CDH13: variants seen among roughly 807,000 people sequenced by gnomAD.
The protein encoded by CDH13 is cadherin-13.
CDH13 carries 24 observed loss-of-function variants against 63.8 expected under a neutral mutation model. That is an observed-to-expected ratio of 0.38 (90% CI 0.27 to 0.53). The LOEUF (loss-of-function observed/expected upper bound fraction) is 0.53, where lower values mean the gene tolerates loss of function less well. CDH13 is among the 20% of genes least tolerant of loss of function. CDH13 has a pLI of 0.85. For synonymous variants in CDH13, 503 were observed against 355.3 expected, an observed-to-expected ratio of 1.42 and a Z score of -4.67; for missense variants, 1,049 against 903.1, an observed-to-expected ratio of 1.16 and a Z score of -2.07.
chr16:82,859,027 T>C (rs1447188030), intron 2 of CDH13: 1 of 153,036 alleles, frequency 6.5e-6, no homozygotes, highest in East Asian at 1.9e-4. Flanking sequence ...TCCAATTGAT[T>C]TATTTAAAAT....
At chr16:83,776,717 A>G (rs113701535) in intron 11 of CDH13, among the ~76,000 whole-genome samples, 1 of 152,140 alleles carries the variant, frequency 6.6e-6, no homozygotes, top group Admixed American at 6.5e-5. Context: ...ACTTCTCTTC[A>G]CTTCTTATCC....
intron 10 of CDH13, among the ~76,000 whole-genome samples, chr16:83,708,286 C>A (rs7190768): frequency 1.5e-4 from 23 of 152,236 alleles, no homozygotes; most frequent in Middle Eastern, 3.4e-3. Context: ...GTCAACCAGA[C>A]GTGTGCTTCC....
chr16:83,282,835 C>T (rs1165397374), intron 5 of CDH13, among the ~76,000 whole-genome samples: 1 of 152,206 alleles, frequency 6.6e-6, no homozygotes, highest in Non-Finnish European at 1.5e-5. Context: ...AGCATATTTT[C>T]ATCCTGTTAT....
At chr16:83,504,512 A>G (rs959587026) in intron 7 of CDH13, among the ~76,000 whole-genome samples, 2 of 152,292 alleles carry the variant, frequency 1.3e-5, no homozygotes, top group African/African-American at 4.8e-5. Flanking sequence ...CTTTGCTGAC[A>G]ACTTCTTCTG....
At chr16:83,354,165 G>A (rs2091010606) in intron 6 of CDH13, among the ~76,000 whole-genome samples, 2 of 152,178 alleles carry the variant, frequency 1.3e-5, no homozygotes, top group East Asian at 3.9e-4. Context: ...CAAAGCAAAA[G>A]TGAAAAAGTC....
chr16:83,163,156 A>G lies in CDH13; in HGVS notation c.483+37655A>G, dbSNP rs144228091. Among the ~76,000 whole-genome samples the G allele has an allele frequency of 2.0e-4, 30 of 152,228 alleles. No homozygotes were observed. The East Asian group carries it at 5.2e-3, about 26-fold the overall frequency. ...TATCTGCCACCATGTGAGACATGCC[A>G]TTCACCTTCCACCATGATTGTGAGG... On this transcript the variant is annotated intron_variant, in intron 4 of 13. Transcript: ENST00000567109.
chr16:83,112,164 A>T (rs2035087425), intron 3 of CDH13, among the ~76,000 whole-genome samples: 1 of 152,164 alleles, frequency 6.6e-6, no homozygotes, highest in Non-Finnish European at 1.5e-5. Flanking sequence ...TTGTGTCTGC[A>T]TTAATTAATT....
intron 5 of CDH13, among the ~76,000 whole-genome samples, chr16:83,262,963 C>A (rs1019793647): frequency 2.0e-5 from 3 of 152,128 alleles, no homozygotes; most frequent in Admixed American, 6.5e-5. Flanking sequence ...GTTGTTTGTC[C>A]TGAGAATGAC....
chr16:83,628,398 G>A (rs961178368), intron 8 of CDH13, among the ~76,000 whole-genome samples: 2 of 152,100 alleles, frequency 1.3e-5, no homozygotes, highest in Non-Finnish European at 2.9e-5. Context: ...GTGAGCCCCG[G>A]GGCTCTGCCT....
chr16:83,298,446 C>T lies in CDH13; in HGVS notation c.637-46416C>T, dbSNP rs76952979. On this transcript the variant is annotated intron_variant, in intron 5 of 13. Transcript: ENST00000567109. ...ATCAAAATTTCTTGAGTGTATGTGA[C>T]GGATTCCTAGGCCCTACCTCAAGCC... Among the ~76,000 whole-genome samples, 603 of 152,258 alleles carry T rather than the reference C, an allele frequency of 4.0e-3. 4 individuals are homozygous for T. The highest frequency in any genetic ancestry group is 0.011 in the African/African-American group (437 of 41,550).
chr16:83,303,328 A>G (rs994887048), intron 5 of CDH13, among the ~76,000 whole-genome samples: 2 of 152,230 alleles, frequency 1.3e-5, no homozygotes, highest in Non-Finnish European at 2.9e-5. Flanking sequence ...GCAATAACCC[A>G]GTAGGTCCAG....
chr16:83,564,412 T>G (rs78946359), intron 7 of CDH13, among the ~76,000 whole-genome samples: 13,068 of 34,944 alleles, frequency 0.37, 1,060 homozygotes, highest in South Asian at 0.49. Context: ...TTTTTTTTTT[T>G]TTTGTTTTTG....
At chr16:83,790,568 G>T (rs458497) in intron 13 of CDH13, among the ~76,000 whole-genome samples, 129,893 of 151,978 alleles carry the variant, frequency 0.85, 55,482 homozygotes, top group Admixed American at 0.88. Context: ...CCTGGCTAAT[G>T]TTGTTTTTGT....
At chr16:83,754,984 A>C (rs1913389024) in intron 11 of CDH13, among the ~76,000 whole-genome samples, 1 of 152,192 alleles carries the variant, frequency 6.6e-6, no homozygotes, top group Non-Finnish European at 1.5e-5. Flanking sequence ...CCTGTAAAGA[A>C]GCAAGAATGT....
intron 8 of CDH13, among the ~76,000 whole-genome samples, chr16:83,656,864 T>A (rs1010216760): frequency 6.6e-6 from 1 of 152,206 alleles, no homozygotes; most frequent in African/African-American, 2.4e-5. Context: ...AGGCATTTCA[T>A]CTCTCCAAGT....
At chr16:83,512,145 C>T (rs2074582869) in intron 7 of CDH13, among the ~76,000 whole-genome samples, 1 of 150,606 alleles carries the variant, frequency 6.6e-6, no homozygotes, top group Non-Finnish European at 1.5e-5. Context: ...CACGGTGAAA[C>T]TCCATCTGTC....
Position 82,669,495 on chromosome 16 carries a change from G to A in CDH13, c.45+42358G>A, listed in dbSNP as rs144792061. Among the ~76,000 whole-genome samples, 349 of 152,218 alleles carry A rather than the reference G, an allele frequency of 2.3e-3. 2 individuals carry two copies. Among genetic ancestry groups the A allele is most frequent in the African/African-American group, 7.3e-3 (303 of 41,532 alleles). On this transcript the variant is annotated intron_variant, in intron 1 of 13. Coordinates refer to ENST00000567109, the MANE Select transcript of CDH13 (RefSeq NM_001257.5). ...CTAGTACGGACTTAATTGTAATTCT[G>A]ATAACATTACTTGTAATACTGTCTC...
intron 8 of CDH13, among the ~76,000 whole-genome samples, chr16:83,668,699 A>G (rs1914228254): frequency 6.6e-6 from 1 of 152,144 alleles, no homozygotes; most frequent in South Asian, 2.1e-4. Context: ...ATTACTGGAA[A>G]CCAGGAGACT....
At chr16:83,757,031 G>C (rs1260659194) in intron 11 of CDH13, among the ~76,000 whole-genome samples, 1 of 152,160 alleles carries the variant, frequency 6.6e-6, no homozygotes, top group Non-Finnish European at 1.5e-5. Flanking sequence ...AGAGCATATA[G>C]AAAAGTCTAA....
Sources: gnomAD v4.1 joint callset for allele counts (sites outside exome capture counted in the v4.1 genomes callset) on GRCh38, gnomAD v4.1.1 for gene constraint, MANE v1.5 for transcripts, NCBI Gene and HGNC (gene_info 2026-07-23, HGNC 2026-07-21) for gene names.